AP2A2: variants seen among roughly 807,000 people sequenced by gnomAD.
The protein encoded by AP2A2 is AP-2 complex subunit alpha-2.
In AP2A2, 32 loss-of-function variants were observed where a neutral mutation model predicts 104.2. That is an observed-to-expected ratio of 0.31 (90% CI 0.23 to 0.41). AP2A2 has a LOEUF of 0.41. Ranked by LOEUF, AP2A2 falls within the 10% of genes least tolerant of loss-of-function variation. The pLI, the probability that AP2A2 is intolerant of heterozygous loss-of-function variation, is 1.00. For synonymous variants in AP2A2, 539 were observed against 533.3 expected (o/e 1.01, Z -0.15); for missense variants, 912 against 1,261.0 (o/e 0.72, Z 4.19).
chr11:1,009,588 C>T (rs1564825464), intron 20 of AP2A2, 95 bp from the exon 21 acceptor site: 1 of 1,107,356 alleles, frequency 9.0e-7, no homozygotes, highest in East Asian at 2.9e-5. Flanking sequence ...ACACGCAGCC[C>T]ACGACCCAGC....
intron 1 of AP2A2, among the ~76,000 whole-genome samples, chr11:957,693 T>G (rs1372316365): frequency 1.3e-5 from 2 of 152,222 alleles, no homozygotes; most frequent in Non-Finnish European, 2.9e-5. Context: ...CTTGTCAGAT[T>G]TTGTAGGAAA....
intron 2 of AP2A2, among the ~76,000 whole-genome samples, chr11:962,690 G>A (rs1206957245): frequency 1.3e-5 from 2 of 151,988 alleles, no homozygotes; most frequent in South Asian, 2.1e-4. Flanking sequence ...CCGAGATCTC[G>A]CCATTGCACT....
At chr11:940,647 T>C in intron 1 of AP2A2, 1 of 355,826 alleles carries the variant, frequency 2.8e-6, no homozygotes, top group Non-Finnish European at 5.5e-6. Context: ...CCTTTGGCGT[T>C]TCCTTCTGTG....
chr11:940,568 C>T (rs1446976283), intron 1 of AP2A2, among the ~76,000 whole-genome samples: 4 of 152,208 alleles, frequency 2.6e-5, no homozygotes, highest in Non-Finnish European at 5.9e-5. Context: ...TCTCATGACC[C>T]AAGTGCCCCT....
intron 15 of AP2A2, among the ~76,000 whole-genome samples, chr11:1,001,940 G>A (rs1008944222): frequency 1.3e-5 from 2 of 152,198 alleles, no homozygotes; most frequent in Non-Finnish European, 2.9e-5. Flanking sequence ...AGGTGTCTGC[G>A]TGTGTTTGGT....
In AP2A2 at chr11:988,608, C is replaced by T. The variant is rs759551186; in HGVS notation, c.1188C>T (p.Cys396=). ...CCGTGGACCTCCTCTACGCCATGTG[C>T]GACCGCAGCAACGCCCCACAGATCG... is the stretch of plus-strand genomic sequence containing the variant. The part of the protein sequence containing the change: ...QRAVDLLYAM[C]DRSNAPQIVA... The change falls in exon 10 of 22, where the codon TGC becomes TGT. Residue 396 remains cysteine (C), a synonymous_variant. Coordinates refer to ENST00000448903, the MANE Select transcript of AP2A2 (RefSeq NM_012305.4). 37 of 1,613,300 alleles carry T rather than the reference C, an allele frequency of 2.3e-5. No individual in the cohort carries two copies. Among genetic ancestry groups the T allele is most frequent in the Admixed American group, 6.7e-5 (4 of 60,008 alleles).
rs1313455866 is a variant in AP2A2, at chr11:957,358, T to C, written c.68-2079T>C. Reference sequence around the variant, plus strand: ...ATTGACAGCTGTGTACAAATGGGACTGGACCAAAAGGGTGTGATCTAAACC... The same window carrying C: ...ATTGACAGCTGTGTACAAATGGGACCGGACCAAAAGGGTGTGATCTAAACC... On this transcript the variant is annotated intron_variant, in intron 1 of 21. Transcript: ENST00000448903. Among the ~76,000 whole-genome samples, 7 of 152,212 alleles carry C rather than the reference T, an allele frequency of 4.6e-5. No individual in the cohort carries two copies. The East Asian group carries it at 1.3e-3, about 29-fold the overall frequency.
chr11:984,442 G>A (rs184467137), intron 6 of AP2A2, among the ~76,000 whole-genome samples: 9 of 152,326 alleles, frequency 5.9e-5, no homozygotes, highest in East Asian at 3.9e-4. Flanking sequence ...ACTCAGCTGC[G>A]GCAGCGTGTT....
intron 4 of AP2A2, among the ~76,000 whole-genome samples, chr11:973,824 T>C (rs7943140): frequency 0.51 from 77,305 of 151,980 alleles, 20,255 homozygotes; most frequent in Middle Eastern, 0.66. Context: ...TTTCCACCCT[T>C]GGGGTGGAAG....
Position 992,538 on chromosome 11 carries a change from G to C in AP2A2, c.1305G>C (p.Ala435=), listed in dbSNP as rs375413054. Residue 435 remains alanine, a synonymous_variant, in exon 11 of 22, where the codon GCG becomes GCC. Transcript: ENST00000448903. The surrounding 1 kb of genome is among the most constrained non-coding windows in gnomAD (Gnocchi z 6.4). ...LKVAILAEKY[A]VDYTWYVDTI... is the part of the protein sequence containing the mutation. ...TCGCCATCCTGGCTGAGAAGTACGC[G>C]GTGGACTACACCTGGTATGTGGATA... 2.0e-4 allele frequency: 315 copies of C among 1,609,670 alleles called. No individual in the cohort carries two copies. Among genetic ancestry groups the C allele is most frequent in the Non-Finnish European group, 2.4e-4 (284 of 1,178,040 alleles).
Position 994,259 on chromosome 11 carries a change from C to T in AP2A2, c.1956+14C>T. 2 of 1,611,832 alleles carry T rather than the reference C, an allele frequency of 1.2e-6. No individual in the cohort carries two copies. The highest frequency in any genetic ancestry group is 1.3e-5 in the African/African-American group (1 of 75,014). On this transcript the variant is annotated intron_variant, in intron 14 of 21. Coordinates refer to ENST00000448903, the MANE Select transcript of AP2A2 (RefSeq NM_012305.4). ...ACCAGCGCCGTGGTGGGTCCCTCAC[C>T]TACTGTGCACCCAGACCTGTCAGGG...
intron 14 of AP2A2, among the ~76,000 whole-genome samples, chr11:999,604 C>T (rs1473635058): frequency 6.6e-6 from 1 of 152,176 alleles, no homozygotes; most frequent in Non-Finnish European, 1.5e-5. Context: ...GCTGGGATTA[C>T]AGGTGTGGGG....
chr11:929,025 A>T (rs1322430038), intron 1 of AP2A2, among the ~76,000 whole-genome samples: 2 of 152,240 alleles, frequency 1.3e-5, no homozygotes, highest in South Asian at 2.1e-4. Flanking sequence ...ATGCCAGAGA[A>T]GACCTCACAA....
At chr11:958,673 T>C (rs1288736469) in intron 1 of AP2A2, among the ~76,000 whole-genome samples, 2 of 152,160 alleles carry the variant, frequency 1.3e-5, no homozygotes, top group African/African-American at 4.8e-5. Flanking sequence ...ATGATATTAG[T>C]ACCTAACCAT....
chr11:942,895 GGTGGTAGAGAGCCAGTT>G (rs1398626166), intron 1 of AP2A2, among the ~76,000 whole-genome samples: 2 of 152,126 alleles, frequency 1.3e-5, no homozygotes, highest in African/African-American at 4.8e-5. Context: ...AAGGGCTTGA[GGTGGTAGAGAGCCAGTT>G]GTGTTTCAGG....
chr11:981,408 G>C, intron 6 of AP2A2, 109 bp downstream of exon 6: 1 of 973,498 alleles, frequency 1.0e-6, no homozygotes, highest in Middle Eastern at 2.6e-4. Flanking sequence ...TAAATTCAGG[G>C]ATGAAAACCA....
At chr11:981,762 C>T (rs951006938) in intron 6 of AP2A2, among the ~76,000 whole-genome samples, 13 of 152,360 alleles carry the variant, frequency 8.5e-5, no homozygotes, top group South Asian at 2.1e-4. Flanking sequence ...GTGAATTGTC[C>T]GCTGCAGTTT....
At chr11:977,291 C>A (rs1282938908) in intron 5 of AP2A2, 67 bp downstream of exon 5, 3 of 1,516,344 alleles carry the variant, frequency 2.0e-6, no homozygotes, top group Non-Finnish European at 2.7e-6. Context: ...GTTGTGAAGA[C>A]ACCATGGTGC....
chr11:980,867 G>A (rs1314700733), intron 5 of AP2A2, among the ~76,000 whole-genome samples: 3 of 152,274 alleles, frequency 2.0e-5, no homozygotes, highest in Non-Finnish European at 4.4e-5. Flanking sequence ...GACGGTGGAG[G>A]CCAGGCCAGG....
Sources: allele counts gnomAD v4.1 joint callset (sites outside exome capture counted in the v4.1 genomes callset), GRCh38; gene constraint gnomAD v4.1.1; non-coding constraint Gnocchi (gnomAD v3.1); transcripts MANE v1.5; gene names NCBI Gene and HGNC (gene_info 2026-07-23, HGNC 2026-07-21).